The following RAD54L2 variants were observed in gnomAD, a reference collection of about 807,000 sequenced individuals.
RAD54L2 encodes helicase ARIP4.
RAD54L2 carries 27 observed loss-of-function variants against 138.4 expected under a neutral mutation model. The observed-to-expected ratio is 0.20, with a 90% CI of 0.14 to 0.27. The LOEUF (loss-of-function observed/expected upper bound fraction) is 0.27. Among genes scored for constraint, RAD54L2 ranks in the 10% least tolerant of loss-of-function variants. RAD54L2 has a pLI of 1.00. For synonymous variants in RAD54L2, 644 were observed against 723.2 expected (o/e 0.89, Z 1.76); for missense variants, 1,396 against 1,890.2 (o/e 0.74, Z 4.85).
intron 19 of RAD54L2, among the ~76,000 whole-genome samples, chr3:51,655,484 T>C (rs1329136826): frequency 6.6e-6 from 1 of 152,218 alleles, no homozygotes; most frequent in Non-Finnish European, 1.5e-5. Flanking sequence ...AAAGTAAAGA[T>C]GTTTAAAGTT....
intron 9 of RAD54L2, 73 bp from the exon 10 acceptor site, chr3:51,635,520 T>C (rs565180821): frequency 2.8e-6 from 4 of 1,445,980 alleles, no homozygotes; most frequent in African/African-American, 2.8e-5. Context: ...CAATTCTTCC[T>C]TGGGAGCAGC....
chr3:51,552,562 T>A (rs898576029), intron 2 of RAD54L2, among the ~76,000 whole-genome samples: 2 of 93,808 alleles, frequency 2.1e-5, no homozygotes, highest in Admixed American at 1.5e-4. Context: ...GCGCCTGGCC[T>A]TTTTTTTTTT....
chr3:51,613,481 C>T (rs1193935884), intron 3 of RAD54L2, among the ~76,000 whole-genome samples: 2 of 152,044 alleles, frequency 1.3e-5, no homozygotes, highest in East Asian at 1.9e-4. Flanking sequence ...GTTAAAAAGG[C>T]ATGTAGGCCG....
At position 51,538,800 on chromosome 3, in the gene RAD54L2, G is replaced by C. The variant is rs1577374397; in HGVS notation, c.-232G>C. Among the ~76,000 whole-genome samples the C allele has an allele frequency of 6.6e-6, 1 of 151,796 alleles. No individual in the cohort carries two copies. Among genetic ancestry groups the C allele is most frequent in the Admixed American group, 6.6e-5 (1 of 15,222 alleles). ...GCCCGGGCCTGGCCGGCTGCTTCCC[G>C]CCTCAGCCGCCGCCCCCGCCTCCGC... is the stretch of plus-strand genomic sequence containing the variant. On this transcript the variant is annotated 5_prime_UTR_variant, in exon 1 of 23. Coordinates refer to ENST00000684192, the MANE Select transcript of RAD54L2 (RefSeq NM_015106.4).
chr3:51,614,866 AATAT>A (rs1215659670), intron 3 of RAD54L2, among the ~76,000 whole-genome samples: 2 of 151,836 alleles, frequency 1.3e-5, no homozygotes, highest in Admixed American at 6.6e-5. Flanking sequence ...AACAGTCTTT[AATAT>A]TAATGCTATG....
intron 2 of RAD54L2, among the ~76,000 whole-genome samples, chr3:51,579,201 C>T (rs558280274): frequency 2.1e-4 from 30 of 143,814 alleles, no homozygotes; most frequent in African/African-American, 5.2e-4. Context: ...CTCACGGTGT[C>T]GCCCAGACTG....
intron 3 of RAD54L2, among the ~76,000 whole-genome samples, chr3:51,604,393 C>G (rs933626577): frequency 4.6e-5 from 7 of 152,006 alleles, no homozygotes; most frequent in African/African-American, 1.7e-4. Flanking sequence ...TTTATTGTAC[C>G]CTTTGTTGTA....
At chr3:51,554,364 CAA>C (rs763034796) in intron 2 of RAD54L2, among the ~76,000 whole-genome samples, 17 of 117,198 alleles carry the variant, frequency 1.5e-4, no homozygotes, top group Non-Finnish European at 1.5e-4. Context: ...GAGACTCTTT[CAA>C]AAAAAAAAAA....
At chr3:51,661,079 G>A (rs1053504813) in intron 22 of RAD54L2, among the ~76,000 whole-genome samples, 1 of 150,316 alleles carries the variant, frequency 6.7e-6, no homozygotes, top group South Asian at 2.1e-4. Flanking sequence ...TCAGCCTCCC[G>A]ATTAGCTGAT....
intron 15 of RAD54L2, 139 bp downstream of exon 15, chr3:51,642,006 A>G: frequency 1.5e-6 from 1 of 646,050 alleles, no homozygotes. Context: ...GGGGGATACT[A>G]AGAGCCAGCT....
chr3:51,558,882 C>A (rs961131941), intron 2 of RAD54L2, among the ~76,000 whole-genome samples: 2 of 151,674 alleles, frequency 1.3e-5, no homozygotes, highest in African/African-American at 4.8e-5. Flanking sequence ...AACAAATAGC[C>A]TATTTATTTT....
intron 12 of RAD54L2, chr3:51,639,170 G>A: frequency 1.9e-6 from 1 of 516,668 alleles, no homozygotes; most frequent in Non-Finnish European, 3.5e-6. Flanking sequence ...TTTTGATTAT[G>A]TATCAAACAT....
intron 2 of RAD54L2, among the ~76,000 whole-genome samples, chr3:51,543,397 T>C (rs987947593): frequency 4.6e-5 from 7 of 151,896 alleles, no homozygotes; most frequent in African/African-American, 1.7e-4. Flanking sequence ...TCACCTGAGG[T>C]TGGGAGTTCG....
intron 3 of RAD54L2, among the ~76,000 whole-genome samples, chr3:51,604,311 G>C (rs1482986541): frequency 6.6e-6 from 1 of 152,182 alleles, no homozygotes; most frequent in African/African-American, 2.4e-5. Flanking sequence ...TATGATGTGA[G>C]ATAGGGGTCA....
At chr3:51,613,647 A>T (rs903370980) in intron 3 of RAD54L2, among the ~76,000 whole-genome samples, 2 of 151,822 alleles carry the variant, frequency 1.3e-5, no homozygotes, top group Non-Finnish European at 2.9e-5. Context: ...TGCACCTGTA[A>T]TCCCAGCTAC....
At chr3:51,546,872 T>C (rs1181370953) in intron 2 of RAD54L2, among the ~76,000 whole-genome samples, 3 of 149,732 alleles carry the variant, frequency 2.0e-5, no homozygotes, top group East Asian at 2.0e-4. Context: ...CTACTAAAAA[T>C]ACAAAAATTA....
chr3:51,632,990 G>A (rs904481673), intron 7 of RAD54L2, among the ~76,000 whole-genome samples: 1 of 151,826 alleles, frequency 6.6e-6, no homozygotes, highest in Non-Finnish European at 1.5e-5. Context: ...GAGACCGAGG[G>A]GGGCAGGTCA....
intron 2 of RAD54L2, among the ~76,000 whole-genome samples, chr3:51,571,116 C>T (rs1699329043): frequency 6.6e-6 from 1 of 152,188 alleles, no homozygotes; most frequent in South Asian, 2.1e-4. Flanking sequence ...CTGCTGCGCT[C>T]AGCCAGAAAA....
intron 3 of RAD54L2, among the ~76,000 whole-genome samples, chr3:51,613,765 C>CAAAA (rs752227890): frequency 1.8e-5 from 1 of 56,152 alleles, no homozygotes; most frequent in Non-Finnish European, 3.8e-5. Context: ...ACTCTGTCTC[C>CAAAA]AAAAAAAAAA....
Sources: allele counts gnomAD v4.1 joint callset (sites outside exome capture counted in the v4.1 genomes callset), GRCh38; gene constraint gnomAD v4.1.1; transcripts MANE v1.5; gene names NCBI Gene and HGNC (gene_info 2026-07-23, HGNC 2026-07-21).